The following RALGPS1 variants were observed in gnomAD, a reference collection of about 807,000 sequenced individuals.
RALGPS1 encodes the protein ras-specific guanine nucleotide-releasing factor RalGPS1.
In RALGPS1, 19 loss-of-function variants were observed where a neutral mutation model predicts 78.8. The observed-to-expected ratio is 0.24, with a 90% CI of 0.17 to 0.35. RALGPS1 has a LOEUF of 0.35. Among genes scored for constraint, RALGPS1 ranks in the 10% least tolerant of loss-of-function variants. The pLI is 1.00. For synonymous variants in RALGPS1, 228 were observed against 256.3 expected (o/e 0.89, Z 1.06); for missense variants, 454 against 688.3 (o/e 0.66, Z 3.81).
chr9:127,190,686 G>A (rs986164136), intron 11 of RALGPS1, among the ~76,000 whole-genome samples: 1 of 152,062 alleles, frequency 6.6e-6, no homozygotes, highest in African/African-American at 2.4e-5. Context: ...TTGCAATGAC[G>A]CACAATGCTA....
intron 12 of RALGPS1, among the ~76,000 whole-genome samples, chr9:127,195,779 C>A (rs2061321207): frequency 6.6e-6 from 1 of 152,022 alleles, no homozygotes; most frequent in East Asian, 1.9e-4. Context: ...CCTTCCCTCC[C>A]TTCCTTTTCT....
intron 1 of RALGPS1, among the ~76,000 whole-genome samples, chr9:126,915,283 C>CCGGGGGGGCAGTTGGG (rs2034004370): frequency 1.3e-5 from 1 of 76,536 alleles, no homozygotes; most frequent in African/African-American, 5.1e-5. Flanking sequence ...GGGGGCGGGG[C>CCGGGGGGGCAGTTGGG]CGGGGGGGCA....
At chr9:127,057,867 G>A (rs1337417215) in intron 7 of RALGPS1, among the ~76,000 whole-genome samples, 1 of 152,200 alleles carries the variant, frequency 6.6e-6, no homozygotes, top group Non-Finnish European at 1.5e-5. Flanking sequence ...ATCAATAAAT[G>A]TTTATTGAAT....
chr9:127,036,787 C>G (rs1016612969), intron 5 of RALGPS1, among the ~76,000 whole-genome samples: 10 of 152,350 alleles, frequency 6.6e-5, no homozygotes, highest in Non-Finnish European at 1.3e-4. Context: ...CAGAAGTTCT[C>G]AATCTTTTTT....
chr9:126,967,955 T>C (rs2039689843), intron 3 of RALGPS1, among the ~76,000 whole-genome samples: 1 of 152,030 alleles, frequency 6.6e-6, no homozygotes, highest in African/African-American at 2.4e-5. Context: ...TATACCTGGC[T>C]CATAGTAGGT....
intron 8 of RALGPS1, among the ~76,000 whole-genome samples, chr9:127,154,570 C>T (rs1191628881): frequency 6.6e-6 from 1 of 152,214 alleles, no homozygotes; most frequent in Non-Finnish European, 1.5e-5. Flanking sequence ...AAATCAGTTT[C>T]GATCTAGCTA....
At chr9:127,076,281 C>T (rs1248349613) in intron 8 of RALGPS1, among the ~76,000 whole-genome samples, 19 of 152,104 alleles carry the variant, frequency 1.2e-4, no homozygotes, top group Admixed American at 1.2e-3. Flanking sequence ...TACTTATTTC[C>T]TTCAGGAAAT....
intron 8 of RALGPS1, among the ~76,000 whole-genome samples, chr9:127,132,868 A>T (rs1454367247): frequency 6.6e-6 from 1 of 152,190 alleles, no homozygotes; most frequent in Non-Finnish European, 1.5e-5. Flanking sequence ...CAACATCTTC[A>T]TCCTCATCCT....
In RALGPS1 at chr9:127,072,614, C is replaced by T. The variant is rs570115781; in HGVS notation, c.610+3258C>T. Among the ~76,000 whole-genome samples, 3 of 152,182 alleles carry T rather than the reference C, an allele frequency of 2.0e-5. No individual in the cohort carries two copies. In the South Asian group the frequency reaches 6.2e-4, roughly 32 times the overall value. Reference sequence around the variant, plus strand: ...TTTGTTTTGTGGCTTAATGTAAGATCGGTTTTTATACATGTTTCATGGTGC... The same window carrying T: ...TTTGTTTTGTGGCTTAATGTAAGATTGGTTTTTATACATGTTTCATGGTGC... On this transcript the variant is annotated intron_variant, in intron 8 of 18. Coordinates refer to ENST00000259351, the MANE Select transcript of RALGPS1 (RefSeq NM_014636.3).
intron 4 of RALGPS1, among the ~76,000 whole-genome samples, chr9:126,987,024 GA>G (rs1438741090): frequency 2.6e-5 from 4 of 152,198 alleles, no homozygotes; most frequent in Non-Finnish European, 5.9e-5. Flanking sequence ...TGTATAGTTT[GA>G]ATAGGCACTG....
chr9:127,209,591 C>T (rs1454031190), intron 14 of RALGPS1, among the ~76,000 whole-genome samples: 1 of 152,092 alleles, frequency 6.6e-6, no homozygotes, highest in Non-Finnish European at 1.5e-5. Flanking sequence ...ATACCATCAC[C>T]CAGAGAGGAG....
intron 1 of RALGPS1, among the ~76,000 whole-genome samples, chr9:126,957,445 G>T (rs2038451685): frequency 6.6e-6 from 1 of 152,184 alleles, no homozygotes; most frequent in African/African-American, 2.4e-5. Context: ...ACTTCAGCCT[G>T]GGCCTGAGAT....
rs1025770255 is a variant in RALGPS1 at position 127,222,919 on chromosome 9, C to T, written c.*4150C>T. 7.9e-5 allele frequency: 12 copies of T among 152,596 alleles called. No individual in the cohort carries two copies. The allele number at this position is 152,596 out of a possible 1,614,324, so 9.5% of individuals were successfully genotyped here. ...GGGCTGTCTTTTTCTCCAGCAGACC[C>T]CTGCATGCAGTTGTGTAAGGACTTT... On this transcript the variant is annotated 3_prime_UTR_variant, in exon 19 of 19. Coordinates refer to ENST00000259351, the MANE Select transcript of RALGPS1 (RefSeq NM_014636.3).
At chr9:126,941,086 A>G (rs2036734013) in intron 1 of RALGPS1, among the ~76,000 whole-genome samples, 1 of 152,116 alleles carries the variant, frequency 6.6e-6, no homozygotes, top group East Asian at 1.9e-4. Context: ...AAGATTTTAA[A>G]ACATGTTCAA....
At chr9:126,978,684 T>C (rs796125976) in intron 4 of RALGPS1, among the ~76,000 whole-genome samples, 2 of 151,602 alleles carry the variant, frequency 1.3e-5, no homozygotes, top group African/African-American at 4.9e-5. Context: ...ACAGAATTCA[T>C]GGGGTGAGTT....
rs750093046 is a variant in RALGPS1, at chr9:127,050,865, C to T, written c.390+733C>T. Among the ~76,000 whole-genome samples, 8 of 152,310 alleles carry T rather than the reference C, an allele frequency of 5.3e-5. 1 individual carries two copies. In the Middle Eastern group the frequency reaches 0.014, roughly 259 times the overall value. On this transcript the variant is annotated intron_variant, in intron 6 of 18. Coordinates refer to ENST00000259351, the MANE Select transcript of RALGPS1 (RefSeq NM_014636.3). ...CATGTGTGCATGTGTTGTCTTCCCA[C>T]CCAGGTCCTAGGAAAGCTGCCCTTT...
intron 4 of RALGPS1, among the ~76,000 whole-genome samples, chr9:127,006,970 G>C (rs189906245): frequency 4.6e-5 from 7 of 151,360 alleles, no homozygotes; most frequent in African/African-American, 1.7e-4. Context: ...AGGAGGGGAG[G>C]GAAAATAATC....
At chr9:127,034,354 A>G (rs2046678349) in intron 4 of RALGPS1, 77 bp from the exon 5 acceptor site, 2 of 1,283,374 alleles carry the variant, frequency 1.6e-6, no homozygotes, top group African/African-American at 1.5e-5. Context: ...ATGCATGCTC[A>G]TGTTCCCATT....
chr9:126,969,783 CCG>C (rs1349074106), intron 3 of RALGPS1, among the ~76,000 whole-genome samples: 3 of 152,176 alleles, frequency 2.0e-5, no homozygotes, highest in African/African-American at 7.2e-5. Flanking sequence ...CTAGCCTCAG[CCG>C]TAGGGTATTG....
Sources: gnomAD v4.1 joint callset for allele counts (sites outside exome capture counted in the v4.1 genomes callset) on GRCh38, gnomAD v4.1.1 for gene constraint, MANE v1.5 for transcripts, NCBI Gene and HGNC (gene_info 2026-07-23, HGNC 2026-07-21) for gene names.